SPTBN4: variants seen among roughly 807,000 people sequenced by gnomAD.
The protein encoded by SPTBN4 is spectrin beta chain, non-erythrocytic 4.
Under a neutral mutation model 277.8 loss-of-function variants are expected in SPTBN4, and 96 were observed. That is an observed-to-expected ratio of 0.35 (90% CI 0.29 to 0.41). SPTBN4 has a LOEUF of 0.41. Among genes scored for constraint, SPTBN4 ranks in the 10% least tolerant of loss-of-function variants. The pLI, the probability that SPTBN4 is intolerant of heterozygous loss-of-function variation, is 1.00. For synonymous variants in SPTBN4, 1,481 were observed against 1,580.3 expected (o/e 0.94, Z 1.49); for missense variants, 3,006 against 3,595.7 (o/e 0.84, Z 4.19).
At chr19:40,543,152 G>A (rs2080820204) in intron 20 of SPTBN4, among the ~76,000 whole-genome samples, 1 of 152,108 alleles carries the variant, frequency 6.6e-6, no homozygotes, top group Admixed American at 6.6e-5. Flanking sequence ...CATTTTCCTG[G>A]CGAAAATGGG....
intron 24 of SPTBN4, 28 bp from the exon 25 acceptor site, chr19:40,556,056 A>C (rs766171912): frequency 3.8e-6 from 6 of 1,593,872 alleles, no homozygotes; most frequent in Non-Finnish European, 4.3e-6. Flanking sequence ...TCAGGGGTCC[A>C]TCCCTGCCCC....
chr19:40,524,852 G>C (rs958950911), intron 17 of SPTBN4, among the ~76,000 whole-genome samples: 2 of 152,318 alleles, frequency 1.3e-5, no homozygotes, highest in East Asian at 3.8e-4. Context: ...CTAATCAAGC[G>C]AAGATATTTA....
intron 13 of SPTBN4, 125 bp from the exon 14 acceptor site, chr19:40,512,481 A>G (rs374758367): frequency 4.8e-6 from 6 of 1,252,614 alleles, no homozygotes; most frequent in Non-Finnish European, 6.3e-6. Context: ...TGCCTGGAGG[A>G]GGAGCCACGT....
chr19:40,537,240 C>T (rs2080748738), intron 20 of SPTBN4, among the ~76,000 whole-genome samples: 1 of 152,096 alleles, frequency 6.6e-6, no homozygotes, highest in Non-Finnish European at 1.5e-5. Flanking sequence ...GAACTCGTGG[C>T]CTCAGGTGAT....
chr19:40,540,072 A>G (rs891010986), intron 20 of SPTBN4, among the ~76,000 whole-genome samples: 1 of 151,356 alleles, frequency 6.6e-6, no homozygotes, highest in African/African-American at 2.4e-5. Flanking sequence ...GACTATAGGC[A>G]CCCGCCACCA....
intron 13 of SPTBN4, among the ~76,000 whole-genome samples, chr19:40,511,398 A>G (rs1020242637): frequency 3.3e-5 from 5 of 152,124 alleles, no homozygotes; most frequent in African/African-American, 1.2e-4. Flanking sequence ...ACAGTGAGAG[A>G]CTCTGTCTCA....
chr19:40,497,450 A>AGCCTGCCTGCT (rs749879378), intron 6 of SPTBN4, 39 bp from the exon 7 acceptor site: 5 of 1,522,196 alleles, frequency 3.3e-6, no homozygotes, highest in Non-Finnish European at 4.6e-6. Context: ...CCGGCTCTGG[A>AGCCTGCCTGCT]GCCTGCCTGC....
rs1045243893 is a variant in SPTBN4 at position 40,575,968 on chromosome 19, G to C, written c.*399G>C. ...CTCTGCCCTAGGGATGGGCACGGGGGCGCTGGTGAGGTCCCCTGGACCATC... is the reference window on the plus strand; with the variant it reads ...CTCTGCCCTAGGGATGGGCACGGGGCCGCTGGTGAGGTCCCCTGGACCATC... On this transcript the variant is annotated 3_prime_UTR_variant, in exon 36 of 36. Coordinates refer to ENST00000598249, the MANE Select transcript of SPTBN4 (RefSeq NM_020971.3). The C allele has an allele frequency of 1.7e-5, 3 of 172,432 alleles. No homozygotes were observed. Among genetic ancestry groups the C allele is most frequent in the African/African-American group, 4.8e-5 (2 of 41,698 alleles). The allele number at this position is 172,432 out of a possible 1,614,324, so 10.7% of individuals were successfully genotyped here. A position where few individuals can be genotyped will look rare whatever the true frequency, so the allele number is the denominator to read the frequency against.
rs748769852 is a variant in SPTBN4 at position 40,490,287 on chromosome 19, G to A, written c.495+39G>A. Reference sequence around the variant, plus strand: ...GGCCCCTGCCAAGCCCCGCAACATGGGACTTAGGAAAGCGTTCCCCACCAT... The same window carrying A: ...GGCCCCTGCCAAGCCCCGCAACATGAGACTTAGGAAAGCGTTCCCCACCAT... On this transcript the variant is annotated intron_variant, in intron 4 of 35. Coordinates refer to ENST00000598249, the MANE Select transcript of SPTBN4 (RefSeq NM_020971.3). The surrounding 1 kb of genome is among the most constrained non-coding windows in gnomAD (Gnocchi z 4.3). The A allele has an allele frequency of 4.4e-6, 7 of 1,587,776 alleles. No individual in the cohort carries two copies. The highest frequency in any genetic ancestry group is 1.1e-5 in the South Asian group (1 of 88,700).
intron 31 of SPTBN4, 144 bp from the exon 32 acceptor site, chr19:40,569,513 C>T (rs968960314): frequency 8.1e-6 from 6 of 740,924 alleles, no homozygotes; most frequent in South Asian, 1.7e-5. Flanking sequence ...GTACCTAAGG[C>T]GAGCATCTGA....
chr19:40,487,831 C>A lies in SPTBN4; in HGVS notation c.304C>A (p.Leu102Met). 6.2e-7 allele frequency: 1 copy of A among 1,606,710 alleles called. No individual in the cohort carries two copies. The highest frequency in any genetic ancestry group is 8.5e-7 in the Non-Finnish European group (1 of 1,176,656). ...GFVLTRLLEV[L>M]SGEQLPRPTR... ...CGTGCTCACGCGGCTCCTGGAAGTG[C>A]TGTCTGGGGAGCAGCTGGTGAGGGG... The change falls in exon 3 of 36, where the codon CTG becomes ATG. Residue 102 changes from leucine (L) to methionine (M), a missense_variant. By Grantham distance (15) the Leu-to-Met change is conservative. Around this residue, in one of 5 missense-constraint regions of SPTBN4, gnomAD observed 114 missense variants for 196.1 expected, o/e 0.58. Transcript: ENST00000598249.
intron 6 of SPTBN4, among the ~76,000 whole-genome samples, chr19:40,497,150 C>T (rs1196674692): frequency 6.6e-6 from 1 of 151,516 alleles, no homozygotes; most frequent in African/African-American, 2.4e-5. Flanking sequence ...CTCGTATTGT[C>T]ATATGATTTC....
In SPTBN4 at chr19:40,554,314, G is replaced by A; in HGVS notation, c.4842G>A (p.Gln1614=). ...AGLREAAERR[Q]QVLDAAFQVE... ...TGCGGGAGGCTGCCGAGCGACGGCA[G>A]CAGGTGCTGGACGCCGCCTTCCAGG... is the stretch of plus-strand genomic sequence containing the variant. Residue 1614 remains glutamine (Q), a synonymous_variant, in exon 23 of 36, where the codon CAG becomes CAA. Coordinates refer to ENST00000598249, the MANE Select transcript of SPTBN4 (RefSeq NM_020971.3). The surrounding 1 kb of genome is among the most constrained non-coding windows in gnomAD (Gnocchi z 5.7). 1 of 1,547,890 alleles carries A rather than the reference G, an allele frequency of 6.5e-7. No homozygotes were observed. Among genetic ancestry groups the A allele is most frequent in the South Asian group, 1.2e-5 (1 of 84,778 alleles).
intron 35 of SPTBN4, among the ~76,000 whole-genome samples, chr19:40,573,553 G>C (rs1437449137): frequency 1.3e-5 from 2 of 152,230 alleles, no homozygotes; most frequent in Non-Finnish European, 2.9e-5. Context: ...ATTCCTGGCT[G>C]GGCGCAGTGG....
At chr19:40,570,351 G>A (rs2081141954) in intron 32 of SPTBN4, 85 bp from the exon 33 acceptor site, 1 of 862,596 alleles carries the variant, frequency 1.2e-6, no homozygotes, top group South Asian at 1.9e-5. Context: ...AGACAGATGG[G>A]ACCCCAGACC....
At chr19:40,482,518 G>C (rs967630192) in intron 2 of SPTBN4, among the ~76,000 whole-genome samples, 1 of 152,198 alleles carries the variant, frequency 6.6e-6, no homozygotes, top group Non-Finnish European at 1.5e-5. Context: ...CGCGATGGCA[G>C]CCTGGCAGGA....
At chr19:40,516,875 A>G (rs1463990426) in intron 15 of SPTBN4, among the ~76,000 whole-genome samples, 3 of 152,148 alleles carry the variant, frequency 2.0e-5, no homozygotes. Flanking sequence ...GCCTCCTCCC[A>G]CCTTGGCCTT....
At position 40,522,537 on chromosome 19, in the gene SPTBN4, G is replaced by C. The variant is rs371027496; in HGVS notation, c.3655-900G>C. ...CCGGCTAATATTTGTATTTGTAGTA[G>C]AGATGAGGTTCACCATGTTGGCCAG... On this transcript the variant is annotated intron_variant, in intron 16 of 35. Transcript: ENST00000598249. Among the ~76,000 whole-genome samples the C allele has an allele frequency of 2.0e-4, 29 of 148,458 alleles. No individual in the cohort carries two copies. The East Asian group carries it at 2.7e-3, about 14-fold the overall frequency.
intron 26 of SPTBN4, among the ~76,000 whole-genome samples, chr19:40,559,035 A>C (rs7259210): frequency 6.6e-6 from 1 of 150,660 alleles, no homozygotes; most frequent in Admixed American, 6.6e-5. Context: ...GGGTTCAAGC[A>C]ATTCTCCCAC....
Sources: gnomAD v4.1 joint callset for allele counts (sites outside exome capture counted in the v4.1 genomes callset) on GRCh38, gnomAD v4.1.1 for gene constraint, gnomAD v4.1.1 regional missense constraint, Gnocchi (gnomAD v3.1) non-coding constraint, MANE v1.5 for transcripts, NCBI Gene and HGNC (gene_info 2026-07-23, HGNC 2026-07-21) for gene names.